The following PFDN2 variants were observed in gnomAD, a reference collection of about 807,000 sequenced individuals.
PFDN2 encodes the protein prefoldin 2.
Under a neutral mutation model 18.3 loss-of-function variants are expected in PFDN2, and 7 were observed. That is an observed-to-expected ratio of 0.38 (90% CI 0.22 to 0.72). The LOEUF (loss-of-function observed/expected upper bound fraction) is 0.72. PFDN2 is among the 30% of genes least tolerant of loss of function. PFDN2 has a pLI of 0.47. For synonymous variants in PFDN2, 76 were observed against 75.0 expected (o/e 1.01, Z -0.07); for missense variants, 181 against 199.1 (o/e 0.91, Z 0.55).
chr1:161,117,095 T>C (rs980187959), intron 1 of PFDN2, among the ~76,000 whole-genome samples: 5 of 151,880 alleles, frequency 3.3e-5, no homozygotes, highest in Admixed American at 6.6e-5. Context: ...TAGCCAGGTG[T>C]GGCGGCGCGC....
Position 161,102,831 on chromosome 1 carries a change from G to A in PFDN2, c.76-456C>T, listed in dbSNP as rs190484739. 1.6e-3 allele frequency among the ~76,000 whole-genome samples: 243 copies of A among 152,080 alleles called. 1 individual carries two copies. The highest frequency in any genetic ancestry group is 5.3e-3 in the African/African-American group (218 of 41,474). On this transcript the variant is annotated intron_variant, in intron 1 of 3. Coordinates refer to ENST00000368010, the MANE Select transcript of PFDN2 (RefSeq NM_012394.4). ...AAATTAGTTGGGTATGGTGGTGTGCGCCTGTAGTCCCAGCTACTTGGGAGG... is the reference window on the plus strand; with the variant it reads ...AAATTAGTTGGGTATGGTGGTGTGCACCTGTAGTCCCAGCTACTTGGGAGG...
intron 1 of PFDN2, 118 bp downstream of exon 1, chr1:161,117,834 T>C (rs1655007825): frequency 2.1e-6 from 2 of 943,166 alleles, no homozygotes; most frequent in Non-Finnish European, 1.6e-6. Context: ...CCCTTCCCTC[T>C]CTAGGTGCCA....
intron 1 of PFDN2, among the ~76,000 whole-genome samples, chr1:161,114,764 A>C (rs1001361497): frequency 6.6e-6 from 1 of 152,054 alleles, no homozygotes; most frequent in Non-Finnish European, 1.5e-5. Flanking sequence ...CTTAGGTCTG[A>C]CCCTAGTGCA....
intron 1 of PFDN2, among the ~76,000 whole-genome samples, chr1:161,102,811 AGTTG>A (rs1654594474): frequency 1.3e-5 from 2 of 152,126 alleles, no homozygotes; most frequent in African/African-American, 4.8e-5. Flanking sequence ...TAGAAAAATT[AGTTG>A]GGTATGGTGG....
At chr1:161,103,683 C>CAAAAAAAAAAAAAAAAAAA (rs553472563) in intron 1 of PFDN2, among the ~76,000 whole-genome samples, 2 of 74,914 alleles carry the variant, frequency 2.7e-5, no homozygotes, top group African/African-American at 5.6e-5. Flanking sequence ...GACTCCGTCT[C>CAAAAAAAAAAAAAAAAAAA]AAAAAAAAAA....
At chr1:161,100,985 A>C (rs1344815302) in intron 3 of PFDN2, 126 bp from the exon 4 acceptor site, 3 of 636,640 alleles carry the variant, frequency 4.7e-6, no homozygotes, top group Non-Finnish European at 8.2e-6. Context: ...AGGAGCCCAG[A>C]CATTAAAATT....
intron 2 of PFDN2, 36 bp downstream of exon 2, chr1:161,102,251 A>T (rs1654583416): frequency 6.2e-7 from 1 of 1,610,696 alleles, no homozygotes; most frequent in South Asian, 1.1e-5. Context: ...AGCCCACACA[A>T]CTGTCCTACT....
intron 1 of PFDN2, among the ~76,000 whole-genome samples, chr1:161,117,114 T>C (rs571940434): frequency 1.3e-5 from 2 of 152,116 alleles, no homozygotes; most frequent in East Asian, 3.9e-4. Flanking sequence ...GCGCCTGTAG[T>C]CCCAGCTACT....
intron 1 of PFDN2, among the ~76,000 whole-genome samples, chr1:161,112,269 C>T (rs1186348102): frequency 6.6e-6 from 1 of 152,150 alleles, no homozygotes; most frequent in East Asian, 1.9e-4. Context: ...AACAAGTTTT[C>T]AATAAATAGT....
At chr1:161,115,602 C>T (rs930659709) in intron 1 of PFDN2, among the ~76,000 whole-genome samples, 3 of 152,180 alleles carry the variant, frequency 2.0e-5, no homozygotes, top group African/African-American at 4.8e-5. Context: ...TATCACAATG[C>T]TGTCATTCAC....
chr1:161,118,028 T>A lies in PFDN2; in HGVS notation c.-2A>T, dbSNP rs778112334. On this transcript the variant is annotated 5_prime_UTR_variant, in exon 1 of 4. The change creates a new upstream start codon in the 5' untranslated region. Transcript: ENST00000368010. Reference sequence around the variant, plus strand: ...GGCGCGACCGCTGTTCTCCGCCATCTTCGCCGCCTGCTGGGTTTCCGGCCG... The same window carrying A: ...GGCGCGACCGCTGTTCTCCGCCATCATCGCCGCCTGCTGGGTTTCCGGCCG... The A allele has an allele frequency of 6.2e-7, 1 of 1,611,340 alleles. No individual in the cohort carries two copies. The highest frequency in any genetic ancestry group is 1.1e-5 in the South Asian group (1 of 90,926).
At chr1:161,115,834 T>C (rs1377328619) in intron 1 of PFDN2, among the ~76,000 whole-genome samples, 2 of 152,182 alleles carry the variant, frequency 1.3e-5, no homozygotes. Flanking sequence ...AGGCATCTAC[T>C]GGGGTCTTGG....
intron 1 of PFDN2, among the ~76,000 whole-genome samples, chr1:161,106,309 T>A (rs964490664): frequency 1.3e-5 from 2 of 152,032 alleles, no homozygotes; most frequent in Non-Finnish European, 2.9e-5. Context: ...AATTACCCAG[T>A]CTCAGGTAAT....
At chr1:161,116,229 TA>T (rs1312187448) in intron 1 of PFDN2, among the ~76,000 whole-genome samples, 7 of 145,840 alleles carry the variant, frequency 4.8e-5, no homozygotes, top group Non-Finnish European at 1.1e-4. Flanking sequence ...ACTCTGTCTC[TA>T]AAAAAAAAAG....
In PFDN2 at chr1:161,100,681, C is replaced by A. The variant is rs1226693972; in HGVS notation, c.*2G>T. 1 of 1,607,956 alleles carries A rather than the reference C, an allele frequency of 6.2e-7. No homozygotes were observed. The highest frequency in any genetic ancestry group is 1.1e-5 in the South Asian group (1 of 90,328). On this transcript the variant is annotated 3_prime_UTR_variant, in exon 4 of 4. Coordinates refer to ENST00000368010, the MANE Select transcript of PFDN2 (RefSeq NM_012394.4). ...TAGAAAAAAATGCAAAGGCCTTGGTCCCTAGGAGACCAACACTCCAGCTGA... is the reference window on the plus strand; with the variant it reads ...TAGAAAAAAATGCAAAGGCCTTGGTACCTAGGAGACCAACACTCCAGCTGA...
chr1:161,101,207 A>T (rs1186173343), intron 3 of PFDN2, among the ~76,000 whole-genome samples: 1 of 148,822 alleles, frequency 6.7e-6, no homozygotes, highest in East Asian at 2.0e-4. Context: ...TATTTTTAAT[A>T]TTTTTTTTTT....
chr1:161,100,861 T>C lies in PFDN2; in HGVS notation c.289-2A>G. 6.2e-7 allele frequency: 1 copy of C among 1,609,926 alleles called. No individual in the cohort carries two copies. Among genetic ancestry groups the C allele is most frequent in the Non-Finnish European group, 8.5e-7 (1 of 1,176,414 alleles). ...CAGTGTCTCAATGATCTTCTGTATC[T>C]AGAGGACAAGTGACAGGGATTATAT... On this transcript the variant is annotated splice_acceptor_variant, in intron 3 of 3. Transcript: ENST00000368010. LOFTEE classifies it high-confidence loss of function.
intron 1 of PFDN2, among the ~76,000 whole-genome samples, chr1:161,104,471 T>G (rs1654640126): frequency 6.7e-6 from 1 of 149,714 alleles, no homozygotes; most frequent in Non-Finnish European, 1.5e-5. Context: ...TTAAGAAAGG[T>G]CACACACTGT....
chr1:161,108,186 C>T (rs892743724), intron 1 of PFDN2, among the ~76,000 whole-genome samples: 8 of 149,546 alleles, frequency 5.3e-5, no homozygotes, highest in Non-Finnish European at 1.0e-4. Context: ...GGTGTGGTGG[C>T]TCACCCCTAT....
Sources: gnomAD v4.1 joint callset for allele counts (sites outside exome capture counted in the v4.1 genomes callset) on GRCh38, gnomAD v4.1.1 for gene constraint, MANE v1.5 for transcripts, NCBI Gene and HGNC (gene_info 2026-07-23, HGNC 2026-07-21) for gene names.